SUN1: variants seen among roughly 807,000 people sequenced by gnomAD.
The protein encoded by SUN1 is Sad1 and UNC84 domain containing 1.
A neutral mutation model predicts 103.2 loss-of-function variants in SUN1; 61 were observed. The ratio of observed to expected loss-of-function variants is 0.59; its 90% CI spans 0.48 to 0.73. The LOEUF (loss-of-function observed/expected upper bound fraction) is 0.73. Among genes scored for constraint, SUN1 ranks in the 30% least tolerant of loss-of-function variants. The pLI, the probability that SUN1 is intolerant of heterozygous loss-of-function variation, is 0.00. For missense variants in SUN1, 1,052 were observed against 1,034.6 expected (o/e 1.02, Z -0.23); for synonymous variants, 490 against 425.7 (o/e 1.15, Z -1.86).
intron 13 of SUN1, 118 bp downstream of exon 13, chr7:858,075 G>A (rs945310089): frequency 7.9e-6 from 10 of 1,259,224 alleles, no homozygotes; most frequent in Admixed American, 3.1e-5. Flanking sequence ...TTTTGAAACC[G>A]AGTCTTGCTG....
At chr7:855,807 A>T (rs79512755) in intron 11 of SUN1, among the ~76,000 whole-genome samples, 3 of 148,404 alleles carry the variant, frequency 2.0e-5, no homozygotes, top group Non-Finnish European at 4.5e-5. Flanking sequence ...TCCACCCGAG[A>T]GGGTCTGCGG....
chr7:827,603 G>A (rs536382419), upstream of SUN1, among the ~76,000 whole-genome samples: 29 of 151,704 alleles, frequency 1.9e-4, no homozygotes, highest in Non-Finnish European at 3.7e-4. Context: ...CCGAGTAGCT[G>A]GGACTACAGG....
intron 5 of SUN1, chr7:849,678 A>G: frequency 6.8e-7 from 1 of 1,474,152 alleles, no homozygotes; most frequent in South Asian, 1.1e-5. Flanking sequence ...GGGTACTAGC[A>G]GTAGAGAATG....
intron 13 of SUN1, among the ~76,000 whole-genome samples, chr7:859,798 C>T (rs1201734018): frequency 4.6e-5 from 7 of 152,194 alleles, no homozygotes; most frequent in African/African-American, 1.7e-4. Flanking sequence ...CTCTCCGATG[C>T]ACCTGTGCGC....
At chr7:818,574 G>A (rs939816563) in intron 1 of SUN1, among the ~76,000 whole-genome samples, 5 of 152,220 alleles carry the variant, frequency 3.3e-5, no homozygotes, top group African/African-American at 1.2e-4. Flanking sequence ...GGAGTTGCCA[G>A]GTCATATGGT....
At position 862,089 on chromosome 7, in the gene SUN1, C is replaced by T. The variant is rs117921192; in HGVS notation, c.1864+625C>T. On this transcript the variant is annotated intron_variant, in intron 15 of 18. Transcript: ENST00000401592. Reference sequence around the variant, plus strand: ...TCAGACACGAGCATTTCCGAAAGAACCGTGAGAGGAGAGCTAGACCTGCTT... The same window carrying T: ...TCAGACACGAGCATTTCCGAAAGAATCGTGAGAGGAGAGCTAGACCTGCTT... 1.7e-3 allele frequency among the ~76,000 whole-genome samples: 260 copies of T among 152,342 alleles called. 1 individual carries two copies. Among genetic ancestry groups the T allele is most frequent in the Non-Finnish European group, 2.9e-3 (195 of 68,042 alleles).
upstream of SUN1, among the ~76,000 whole-genome samples, chr7:828,668 T>G (rs1449729134): frequency 6.6e-6 from 1 of 152,228 alleles, no homozygotes; most frequent in Non-Finnish European, 1.5e-5. Context: ...TTTGTGAGCT[T>G]GTAAGCTCTC....
At chr7:817,072 G>A (rs1257332733) in intron 1 of SUN1, among the ~76,000 whole-genome samples, 1 of 152,018 alleles carries the variant, frequency 6.6e-6, no homozygotes, top group African/African-American at 2.4e-5. Context: ...CCTGGACCCC[G>A]TTGCGGGGTC....
intron 10 of SUN1, among the ~76,000 whole-genome samples, chr7:854,431 T>TG (rs1825232727): frequency 6.6e-6 from 1 of 152,258 alleles, no homozygotes; most frequent in Non-Finnish European, 1.5e-5. Flanking sequence ...AATTTTAAAA[T>TG]GCAGGTTCTC....
At chr7:830,968 T>G, upstream of SUN1, 1 of 985,454 alleles carries the variant, frequency 1.0e-6, no homozygotes, top group Non-Finnish European at 1.2e-6. Context: ...AGGCATGGTG[T>G]ATAGGTGGAG....
chr7:853,644 C>G (rs1425099174), intron 10 of SUN1, 26 bp downstream of exon 10: 2 of 1,595,094 alleles, frequency 1.3e-6, no homozygotes, highest in Non-Finnish European at 1.7e-6. Context: ...CTACCAGGCT[C>G]CATGGTGACA....
At chr7:822,852 C>T (rs534061809) in intron 1 of SUN1, among the ~76,000 whole-genome samples, 109 of 152,346 alleles carry the variant, frequency 7.2e-4, no homozygotes, top group African/African-American at 2.5e-3. Flanking sequence ...GAGGCCCAAG[C>T]GCAGCACACA....
chr7:838,100 T>A (rs1360324894), intron 1 of SUN1, among the ~76,000 whole-genome samples: 1 of 152,246 alleles, frequency 6.6e-6, no homozygotes, highest in Non-Finnish European at 1.5e-5. Context: ...TTGCCCAGGC[T>A]GAAGTGCAGT....
intron 2 of SUN1, chr7:839,263 C>T (rs911137750): frequency 2.9e-6 from 1 of 349,508 alleles, no homozygotes; most frequent in Non-Finnish European, 5.1e-6. Flanking sequence ...GCAGTGCCAG[C>T]ACTCAGGTCT....
At chr7:836,985 G>A (rs772102582) in intron 1 of SUN1, among the ~76,000 whole-genome samples, 3 of 152,240 alleles carry the variant, frequency 2.0e-5, no homozygotes, top group Non-Finnish European at 2.9e-5. Context: ...ATTGAGGGCT[G>A]GGCACACATG....
At chr7:859,641 T>G (rs1436177636) in intron 13 of SUN1, among the ~76,000 whole-genome samples, 2 of 152,246 alleles carry the variant, frequency 1.3e-5, no homozygotes, top group Non-Finnish European at 2.9e-5. Flanking sequence ...CACGGTCTGT[T>G]GTTACGAAGC....
At chr7:870,454 T>A (rs1269290659) in intron 17 of SUN1, among the ~76,000 whole-genome samples, 1 of 151,680 alleles carries the variant, frequency 6.6e-6, no homozygotes, top group Non-Finnish European at 1.5e-5. Flanking sequence ...GCCAGGCTTA[T>A]GCGTGCCTGT....
At chr7:869,060 A>C in intron 16 of SUN1, 1 of 404,084 alleles carries the variant, frequency 2.5e-6, no homozygotes, top group Non-Finnish European at 4.6e-6. Context: ...TGCCACGACC[A>C]AGGACCATTG....
rs779323536 is a variant in SUN1, at chr7:856,384, C to T, written c.1377C>T (p.Thr459=). 1.2e-6 allele frequency: 2 copies of T among 1,613,796 alleles called. No individual in the cohort carries two copies. The highest frequency in any genetic ancestry group is 1.7e-6 in the Non-Finnish European group (2 of 1,179,866). ...SEAIQKELEQ[T]KQKTISAVGE... ...CCATCCAGAAGGAACTAGAACAGAC[C>T]AAGCAAAAAACAATCAGGTAGGAGG... Residue 459 remains threonine (T), a synonymous_variant, in exon 12 of 19, where the codon ACC becomes ACT. Coordinates refer to ENST00000401592, the MANE Select transcript of SUN1 (RefSeq NM_001130965.3).
Sources: allele counts gnomAD v4.1 joint callset (sites outside exome capture counted in the v4.1 genomes callset), GRCh38; gene constraint gnomAD v4.1.1; transcripts MANE v1.5; gene names NCBI Gene and HGNC (gene_info 2026-07-23, HGNC 2026-07-21).